The following AGBL4 variants were observed in gnomAD, a reference collection of about 807,000 sequenced individuals.
AGBL4 encodes the protein cytosolic carboxypeptidase 6.
In AGBL4, 58 loss-of-function variants were observed where a neutral mutation model predicts 66.4. The observed-to-expected ratio is 0.87, with a 90% CI of 0.71 to 1.09. AGBL4 has a LOEUF of 1.09. Ranked by LOEUF, AGBL4 falls within the 50% of genes least tolerant of loss-of-function variation. The probability of loss-of-function intolerance (pLI) is 0.00; values close to 1 mark genes in which losing one functional copy is unlikely to be tolerated. For synonymous variants in AGBL4, 234 were observed against 222.9 expected (o/e 1.05, Z -0.44); for missense variants, 579 against 631.0 (o/e 0.92, Z 0.88).
chr1:48,652,264 G>A (rs1171112048), intron 8 of AGBL4, among the ~76,000 whole-genome samples: 1 of 152,180 alleles, frequency 6.6e-6, no homozygotes, highest in Non-Finnish European at 1.5e-5. Flanking sequence ...ACTCAGAGAA[G>A]AGAGTGGCCA....
intron 6 of AGBL4, among the ~76,000 whole-genome samples, chr1:48,687,700 AG>A (rs141695445): frequency 0.011 from 1,712 of 152,280 alleles, 33 homozygotes; most frequent in African/African-American, 0.038. Context: ...CCTGTGAAAT[AG>A]GGGCATTCGT....
intron 3 of AGBL4, among the ~76,000 whole-genome samples, chr1:49,361,027 A>G (rs1315470284): frequency 6.6e-6 from 1 of 151,972 alleles, no homozygotes; most frequent in Non-Finnish European, 1.5e-5. Context: ...CGAACTCCTG[A>G]TCTCAGGTGA....
intron 2 of AGBL4, among the ~76,000 whole-genome samples, chr1:49,803,111 A>T (rs1553125528): frequency 6.6e-6 from 1 of 150,898 alleles, no homozygotes; most frequent in Non-Finnish European, 1.5e-5. Flanking sequence ...TTATATATTC[A>T]TAATTTATTT....
Position 49,551,755 on chromosome 1 carries a change from T to C in AGBL4, c.282+145558A>G, listed in dbSNP as rs561186396. Among the ~76,000 whole-genome samples the C allele has an allele frequency of 9.2e-5, 14 of 152,310 alleles. No individual in the cohort carries two copies. The South Asian group carries it at 2.9e-3, about 32-fold the overall frequency. On this transcript the variant is annotated intron_variant, in intron 3 of 13. Coordinates refer to ENST00000371839, the MANE Select transcript of AGBL4 (RefSeq NM_032785.4). Reference sequence around the variant, plus strand: ...TTAGCTTTGGTAGTTTAATGCTCTATTTTTGTGCTGGTTGGCCTCCTGCCG... The same window carrying C: ...TTAGCTTTGGTAGTTTAATGCTCTACTTTTGTGCTGGTTGGCCTCCTGCCG...
intron 4 of AGBL4, among the ~76,000 whole-genome samples, chr1:49,093,667 A>G (rs1344474045): frequency 1.3e-5 from 2 of 152,192 alleles, no homozygotes; most frequent in Non-Finnish European, 1.5e-5. Context: ...AAGTAATGTA[A>G]TATCTCCAAC....
intron 3 of AGBL4, among the ~76,000 whole-genome samples, chr1:49,466,296 C>T (rs1646630176): frequency 1.3e-5 from 2 of 151,870 alleles, no homozygotes; most frequent in Non-Finnish European, 2.9e-5. Flanking sequence ...GTACAGAAAA[C>T]AGAAAGTGTC....
At chr1:49,839,865 G>A (rs1359677571) in intron 2 of AGBL4, among the ~76,000 whole-genome samples, 4 of 152,154 alleles carry the variant, frequency 2.6e-5, no homozygotes, top group Non-Finnish European at 1.5e-5. Context: ...AATTCTATGA[G>A]GGAAATTCCA....
intron 4 of AGBL4, among the ~76,000 whole-genome samples, chr1:49,175,257 G>T (rs534026702): frequency 1.3e-5 from 2 of 151,970 alleles, no homozygotes; most frequent in African/African-American, 2.4e-5. Context: ...ATATAAGGGG[G>T]ATCAGGGGCA....
At chr1:48,672,639 C>T (rs992498208) in intron 6 of AGBL4, among the ~76,000 whole-genome samples, 2 of 152,178 alleles carry the variant, frequency 1.3e-5, no homozygotes, top group South Asian at 2.1e-4. Context: ...GGGCCCCTTC[C>T]CTATGCCCGC....
At chr1:48,917,126 G>A (rs1057509740) in intron 5 of AGBL4, among the ~76,000 whole-genome samples, 3 of 151,970 alleles carry the variant, frequency 2.0e-5, no homozygotes, top group South Asian at 2.1e-4. Flanking sequence ...TTGGGAAAAC[G>A]TATTTTGCCA....
At chr1:48,844,662 C>T (rs916678224) in intron 6 of AGBL4, among the ~76,000 whole-genome samples, 1 of 152,204 alleles carries the variant, frequency 6.6e-6, no homozygotes, top group African/African-American at 2.4e-5. Flanking sequence ...TTTTTAAAGA[C>T]CCAACTGACA....
At chr1:48,732,100 T>C (rs933206097) in intron 6 of AGBL4, among the ~76,000 whole-genome samples, 1 of 151,828 alleles carries the variant, frequency 6.6e-6, no homozygotes, top group South Asian at 2.1e-4. Flanking sequence ...TAAGAGAGAT[T>C]TGGGGCCAAA....
chr1:49,003,612 A>G (rs1179612379), intron 5 of AGBL4, among the ~76,000 whole-genome samples: 1 of 152,088 alleles, frequency 6.6e-6, no homozygotes, highest in Non-Finnish European at 1.5e-5. Flanking sequence ...GAACTCCCAC[A>G]GCCCCTTATC....
Position 49,219,258 on chromosome 1 carries a change from C to G in AGBL4, c.377+26512G>C, listed in dbSNP as rs565827891. 1.4e-4 allele frequency among the ~76,000 whole-genome samples: 22 copies of G among 152,262 alleles called. No homozygotes were observed. The South Asian group carries it at 1.9e-3, about 13-fold the overall frequency. On this transcript the variant is annotated intron_variant, in intron 4 of 13. Coordinates refer to ENST00000371839, the MANE Select transcript of AGBL4 (RefSeq NM_032785.4). ...TCAGTTTACTGTTAGTCTTATGGAT[C>G]TGGAAGCATCTTTAAAGGTAGTTTG...
chr1:49,813,711 T>G (rs1645162892), intron 2 of AGBL4, among the ~76,000 whole-genome samples: 1 of 152,080 alleles, frequency 6.6e-6, no homozygotes, highest in South Asian at 2.1e-4. Flanking sequence ...AGGGTGTAGA[T>G]TTATAATACG....
At chr1:50,008,700 G>A (rs1572051190) in intron 1 of AGBL4, among the ~76,000 whole-genome samples, 1 of 151,642 alleles carries the variant, frequency 6.6e-6, no homozygotes, top group East Asian at 1.9e-4. Context: ...TAATATAAAA[G>A]ATTAACAAAA....
rs1434003543 is a variant in AGBL4 at position 48,534,038 on chromosome 1, A to G, written c.*135T>C. ...GGGAAAATCAGTGATGAAGTTTCTC[A>G]TTGTATCCCTTCCCTTTCACTAGCC... On this transcript the variant is annotated 3_prime_UTR_variant, in exon 14 of 14. Coordinates refer to ENST00000371839, the MANE Select transcript of AGBL4 (RefSeq NM_032785.4). The G allele has an allele frequency of 7.3e-7, 1 of 1,366,168 alleles. No homozygotes were observed. The highest frequency in any genetic ancestry group is 1.0e-6 in the Non-Finnish European group (1 of 982,496). 84.6% of individuals were successfully genotyped at this position (1,366,168 alleles called of 1,614,324 possible). A position where few individuals can be genotyped will look rare whatever the true frequency, so the allele number is the denominator to read the frequency against.
chr1:48,733,656 T>C (rs541850676), intron 6 of AGBL4, among the ~76,000 whole-genome samples: 18 of 152,322 alleles, frequency 1.2e-4, no homozygotes, highest in African/African-American at 3.6e-4. Flanking sequence ...TTCTTCTACA[T>C]TGCTGCACTG....
At chr1:48,925,253 T>C (rs1654439394) in intron 5 of AGBL4, among the ~76,000 whole-genome samples, 1 of 152,014 alleles carries the variant, frequency 6.6e-6, no homozygotes, top group Admixed American at 6.6e-5. Context: ...CAAAAATCCA[T>C]GGACACTCAA....
Sources: allele counts gnomAD v4.1 joint callset (sites outside exome capture counted in the v4.1 genomes callset), GRCh38; gene constraint gnomAD v4.1.1; transcripts MANE v1.5; gene names NCBI Gene and HGNC (gene_info 2026-07-23, HGNC 2026-07-21).